Variants in PLPPR1 observed in about 807,000 individuals in gnomAD.
The protein encoded by PLPPR1 is phospholipid phosphatase related 1.
A neutral mutation model predicts 33.1 loss-of-function variants in PLPPR1; 10 were observed. That is an observed-to-expected ratio of 0.30 (90% confidence interval 0.19 to 0.51). The LOEUF is 0.51. Among genes scored for constraint, PLPPR1 ranks in the 20% least tolerant of loss-of-function variants. The pLI is 0.97. For synonymous variants in PLPPR1, 151 were observed against 151.0 expected (o/e 1.00, Z 0.00); for missense variants, 304 against 408.1 (o/e 0.74, Z 2.20).
At chr9:101,048,678 G>T (rs1220793714) in intron 1 of PLPPR1, among the ~76,000 whole-genome samples, 3 of 152,112 alleles carry the variant, frequency 2.0e-5, no homozygotes, top group Non-Finnish European at 4.4e-5. Context: ...TTTTATAATA[G>T]GAAACATGCA....
intron 2 of PLPPR1, among the ~76,000 whole-genome samples, chr9:101,244,541 A>C (rs574351793): frequency 1.3e-5 from 2 of 148,174 alleles, no homozygotes; most frequent in African/African-American, 2.5e-5. Flanking sequence ...TTTTAGAACA[A>C]AGTGTTAGGA....
intron 2 of PLPPR1, among the ~76,000 whole-genome samples, chr9:101,256,791 A>G (rs991333457): frequency 6.6e-6 from 1 of 152,118 alleles, no homozygotes; most frequent in Admixed American, 6.6e-5. Context: ...TGTAACCACA[A>G]TTGAGGTCAA....
intron 1 of PLPPR1, among the ~76,000 whole-genome samples, chr9:101,124,213 C>G (rs1400415183): frequency 6.6e-6 from 1 of 151,894 alleles, no homozygotes; most frequent in East Asian, 2.0e-4. Context: ...GGTTTGAATA[C>G]TTCCCACACA....
chr9:101,134,737 C>T (rs988753477), intron 1 of PLPPR1, among the ~76,000 whole-genome samples: 5 of 152,036 alleles, frequency 3.3e-5, no homozygotes, highest in South Asian at 2.1e-4. Flanking sequence ...TGGCAAATAA[C>T]TAAAAGATTT....
intron 7 of PLPPR1, among the ~76,000 whole-genome samples, chr9:101,319,186 T>C (rs889227166): frequency 5.9e-5 from 9 of 152,278 alleles, no homozygotes; most frequent in Admixed American, 2.6e-4. Context: ...TGCTCTTTTT[T>C]CCCCCGCTGA....
At chr9:101,176,850 T>C (rs1826026217) in intron 1 of PLPPR1, among the ~76,000 whole-genome samples, 1 of 152,178 alleles carries the variant, frequency 6.6e-6, no homozygotes, top group South Asian at 2.1e-4. Context: ...GATCTCAAAC[T>C]AATTATGAAA....
At chr9:101,284,672 C>G (rs867197715) in intron 3 of PLPPR1, among the ~76,000 whole-genome samples, 1 of 152,118 alleles carries the variant, frequency 6.6e-6, no homozygotes, top group African/African-American at 2.4e-5. Context: ...AAAGGGAGAA[C>G]ATTATAAATG....
chr9:101,198,928 C>G (rs972199011), intron 2 of PLPPR1, among the ~76,000 whole-genome samples: 2 of 152,144 alleles, frequency 1.3e-5, no homozygotes, highest in African/African-American at 4.8e-5. Context: ...CCAGATTATG[C>G]AGTGTATTTA....
chr9:101,215,823 A>ATT (rs71308221), intron 2 of PLPPR1, among the ~76,000 whole-genome samples: 5 of 151,738 alleles, frequency 3.3e-5, no homozygotes, highest in African/African-American at 1.2e-4. Context: ...ACAGGATTTT[A>ATT]TTTTTTTTAT....
At chr9:101,213,607 G>A (rs1021197404) in intron 2 of PLPPR1, among the ~76,000 whole-genome samples, 3 of 152,152 alleles carry the variant, frequency 2.0e-5, no homozygotes, top group African/African-American at 4.8e-5. Context: ...ATGACCACCT[G>A]AGTCTTTAGG....
At chr9:101,159,825 T>A (rs1246889855) in intron 1 of PLPPR1, among the ~76,000 whole-genome samples, 1 of 152,228 alleles carries the variant, frequency 6.6e-6, no homozygotes, top group Non-Finnish European at 1.5e-5. Flanking sequence ...AATGAACAAC[T>A]ACTGTATTCC....
At chr9:101,064,717 AAT>A (rs1830389371) in intron 1 of PLPPR1, among the ~76,000 whole-genome samples, 1 of 152,026 alleles carries the variant, frequency 6.6e-6, no homozygotes, top group Admixed American at 6.6e-5. Flanking sequence ...ATTTATAAAA[AAT>A]GTATTTCTTA....
chr9:101,091,743 A>G (rs1830744493), intron 1 of PLPPR1, among the ~76,000 whole-genome samples: 1 of 152,168 alleles, frequency 6.6e-6, no homozygotes, highest in Non-Finnish European at 1.5e-5. Flanking sequence ...TTGGGTAGTT[A>G]TTATTCTGCC....
intron 1 of PLPPR1, among the ~76,000 whole-genome samples, chr9:101,167,488 TCTC>T (rs1302118789): frequency 1.3e-5 from 2 of 151,764 alleles, no homozygotes; most frequent in African/African-American, 4.8e-5. Context: ...TTTCCTTTCT[TCTC>T]CTGCAATTTG....
Position 101,290,286 on chromosome 9 carries a change from A to G in PLPPR1, c.385+4050A>G, listed in dbSNP as rs566426206. 3.3e-5 allele frequency among the ~76,000 whole-genome samples: 5 copies of G among 152,310 alleles called. No individual in the cohort carries two copies. In the South Asian group the frequency reaches 1.0e-3, roughly 32 times the overall value. On this transcript the variant is annotated intron_variant, in intron 4 of 7. Transcript: ENST00000374874. ...ACGCAATTGACATTGGAAAATGACAACTGTTTCCACTAGCCATTCTAATGA... is the reference window on the plus strand; with the variant it reads ...ACGCAATTGACATTGGAAAATGACAGCTGTTTCCACTAGCCATTCTAATGA...
intron 1 of PLPPR1, among the ~76,000 whole-genome samples, chr9:101,167,389 AC>A (rs1451355237): frequency 2.0e-5 from 3 of 150,976 alleles, no homozygotes; most frequent in African/African-American, 7.3e-5. Flanking sequence ...TGCAGGCAAG[AC>A]CATAAAGGGC....
At chr9:101,192,574 A>T (rs1456827661) in intron 2 of PLPPR1, among the ~76,000 whole-genome samples, 1 of 152,138 alleles carries the variant, frequency 6.6e-6, no homozygotes, top group Non-Finnish European at 1.5e-5. Flanking sequence ...GCTTGCCAAG[A>T]GGTAGGTGGT....
chr9:101,079,727 G>A (rs2118507935), intron 1 of PLPPR1, among the ~76,000 whole-genome samples: 1 of 152,112 alleles, frequency 6.6e-6, no homozygotes, highest in Non-Finnish European at 1.5e-5. Context: ...TTACAGGTGT[G>A]CGCCACAACA....
At chr9:101,243,698 A>G (rs1827526789) in intron 2 of PLPPR1, among the ~76,000 whole-genome samples, 1 of 151,960 alleles carries the variant, frequency 6.6e-6, no homozygotes. Context: ...AGTGTGGATT[A>G]AGAAATAAGG....
Sources: gnomAD v4.1 joint callset for allele counts (sites outside exome capture counted in the v4.1 genomes callset) on GRCh38, gnomAD v4.1.1 for gene constraint, MANE v1.5 for transcripts, NCBI Gene and HGNC (gene_info 2026-07-23, HGNC 2026-07-21) for gene names.